The following DCDC1 variants were observed in gnomAD, a reference collection of about 807,000 sequenced individuals.
DCDC1 encodes doublecortin domain containing 1.
A neutral mutation model predicts 178.3 loss-of-function variants in DCDC1; 200 were observed. The ratio of observed to expected loss-of-function variants is 1.12; its 90% CI spans 1.00 to 1.26. The LOEUF (loss-of-function observed/expected upper bound fraction) is 1.26. DCDC1 is among the 50% of genes most tolerant of loss of function. DCDC1 has a pLI of 0.00. For missense variants in DCDC1, 1,983 were observed against 1,749.2 expected (o/e 1.13, Z -2.38); for synonymous variants, 690 against 604.8 (o/e 1.14, Z -2.07).
chr11:31,080,568 T>C (rs1463638700), intron 17 of DCDC1, among the ~76,000 whole-genome samples: 1 of 152,176 alleles, frequency 6.6e-6, no homozygotes, highest in Admixed American at 6.5e-5. Flanking sequence ...CTATAACAAA[T>C]TCTCCTAAGG....
chr11:31,066,212 A>G (rs1956240263), intron 18 of DCDC1, among the ~76,000 whole-genome samples: 1 of 152,218 alleles, frequency 6.6e-6, no homozygotes, highest in Non-Finnish European at 1.5e-5. Context: ...GCTCTAGCCT[A>G]GCTTACCAAG....
intron 3 of DCDC1, among the ~76,000 whole-genome samples, chr11:31,326,976 G>A (rs1005547141): frequency 5.3e-5 from 8 of 152,028 alleles, no homozygotes; most frequent in Non-Finnish European, 7.4e-5. Context: ...GAAGAATACC[G>A]TCTCCTCTGC....
intron 7 of DCDC1, among the ~76,000 whole-genome samples, chr11:31,287,022 T>C (rs1461557463): frequency 6.6e-6 from 1 of 151,988 alleles, no homozygotes; most frequent in Non-Finnish European, 1.5e-5. Context: ...CCAACCCCAG[T>C]GAAAAATCCT....
chr11:31,242,821 T>C (rs1054115247), intron 8 of DCDC1, among the ~76,000 whole-genome samples: 3 of 151,860 alleles, frequency 2.0e-5, no homozygotes, highest in Non-Finnish European at 2.9e-5. Flanking sequence ...GGTAAAAAAG[T>C]TATGCATTTT....
rs11031285 is a variant in DCDC1, at chr11:31,083,122, C to T, written c.2238-5197G>A. 9.6e-4 allele frequency among the ~76,000 whole-genome samples: 146 copies of T among 152,090 alleles called. 3 individuals carry two copies. The East Asian group carries it at 0.022, about 23-fold the overall frequency. On this transcript the variant is annotated intron_variant, in intron 17 of 38. Coordinates refer to ENST00000684477, the MANE Select transcript of DCDC1 (RefSeq NM_001387274.1). ...AGCAGCGTGTGTTTTTAACCTAGTC[C>T]GGTAATGTTTGCCAGTTGTCACTCC...
intron 20 of DCDC1, 51 bp from the exon 21 acceptor site, chr11:30,952,619 C>T (rs1433866467): frequency 1.2e-5 from 9 of 736,234 alleles, no homozygotes; most frequent in Non-Finnish European, 1.9e-5. Flanking sequence ...TTAAATATCA[C>T]TTTAAAATAT....
At chr11:31,295,642 G>A (rs1480576016) in intron 6 of DCDC1, among the ~76,000 whole-genome samples, 4 of 152,116 alleles carry the variant, frequency 2.6e-5, no homozygotes, top group Admixed American at 6.6e-5. Context: ...ATTTCAGACT[G>A]GGGGTAGATT....
intron 3 of DCDC1, among the ~76,000 whole-genome samples, chr11:31,323,149 CCTTG>C (rs1949458219): frequency 6.6e-6 from 1 of 152,058 alleles, no homozygotes; most frequent in Non-Finnish European, 1.5e-5. Flanking sequence ...CACAAAACAT[CCTTG>C]CTATTTTTAG....
chr11:31,186,153 C>T (rs1483144583), intron 9 of DCDC1, among the ~76,000 whole-genome samples: 1 of 152,112 alleles, frequency 6.6e-6, no homozygotes, highest in Non-Finnish European at 1.5e-5. Flanking sequence ...AATCCAAACT[C>T]CTCAAGCTGG....
intron 32 of DCDC1, among the ~76,000 whole-genome samples, chr11:30,902,489 A>G (rs1298588896): frequency 6.6e-6 from 1 of 152,174 alleles, no homozygotes; most frequent in African/African-American, 2.4e-5. Flanking sequence ...TATATAATGG[A>G]GACATGTTAA....
At chr11:30,944,291 C>T (rs760169090) in intron 21 of DCDC1, 14 of 456,386 alleles carry the variant, frequency 3.1e-5, no homozygotes, top group Non-Finnish European at 6.2e-5. Flanking sequence ...CTGTAAGCTT[C>T]ATGAACTTAG....
chr11:31,085,280 A>C (rs944751895), intron 17 of DCDC1, among the ~76,000 whole-genome samples: 1 of 151,954 alleles, frequency 6.6e-6, no homozygotes, highest in Non-Finnish European at 1.5e-5. Flanking sequence ...ATATATATAC[A>C]TCTGTGCAAG....
intron 20 of DCDC1, among the ~76,000 whole-genome samples, chr11:30,975,851 G>GA (rs1233801236): frequency 6.6e-6 from 1 of 151,294 alleles, no homozygotes; most frequent in African/African-American, 2.4e-5. Flanking sequence ...TACAGAAATA[G>GA]AAAAAAAATT....
rs75557732 is a variant in DCDC1 at position 30,918,617 on chromosome 11, T to A, written c.3294-1589A>T. Among the ~76,000 whole-genome samples the A allele has an allele frequency of 8.7e-3, 1,321 of 152,240 alleles. 22 individuals are homozygous for A. Among genetic ancestry groups the A allele is most frequent in the African/African-American group, 0.03 (1,260 of 41,556 alleles). ...AGACAATAGAAAGGGGCCAGCCATG[T>A]AAGGATCTAGAGGGAGAGCATTCCA... On this transcript the variant is annotated intron_variant, in intron 25 of 38. Transcript: ENST00000684477.
intron 9 of DCDC1, among the ~76,000 whole-genome samples, chr11:31,232,445 T>C (rs914786543): frequency 6.6e-6 from 1 of 152,110 alleles, no homozygotes; most frequent in African/African-American, 2.4e-5. Flanking sequence ...CCCTTAATTC[T>C]TTAACGCCAA....
At chr11:31,105,683 T>C (rs558268562) in intron 13 of DCDC1, among the ~76,000 whole-genome samples, 2 of 152,206 alleles carry the variant, frequency 1.3e-5, no homozygotes, top group Admixed American at 6.5e-5. Flanking sequence ...TCATCAAGCA[T>C]TTTAATATTT....
chr11:31,046,131 C>T (rs909242049), intron 20 of DCDC1, among the ~76,000 whole-genome samples: 6 of 152,168 alleles, frequency 3.9e-5, no homozygotes, highest in Admixed American at 6.5e-5. Flanking sequence ...TTGCTTGCCC[C>T]TGGAAACCAC....
intron 20 of DCDC1, among the ~76,000 whole-genome samples, chr11:31,060,909 C>G (rs1955877529): frequency 6.6e-6 from 1 of 152,034 alleles, no homozygotes; most frequent in African/African-American, 2.4e-5. Flanking sequence ...GAAAAAAAGT[C>G]AAATGGCTTT....
intron 20 of DCDC1, among the ~76,000 whole-genome samples, chr11:31,043,839 C>T (rs1361038259): frequency 1.4e-5 from 2 of 142,866 alleles, no homozygotes; most frequent in South Asian, 2.2e-4. Flanking sequence ...TTTTTTTGTA[C>T]CTTATAAGTG....
Sources: gnomAD v4.1 joint callset for allele counts (sites outside exome capture counted in the v4.1 genomes callset) on GRCh38, gnomAD v4.1.1 for gene constraint, MANE v1.5 for transcripts, NCBI Gene and HGNC (gene_info 2026-07-23, HGNC 2026-07-21) for gene names.